Variants in TRAPPC9 observed in about 807,000 individuals in gnomAD.
TRAPPC9 encodes the protein IKK2 binding protein.
A neutral mutation model predicts 124.0 loss-of-function variants in TRAPPC9; 83 were observed. That is an observed-to-expected ratio of 0.67 (90% CI 0.56 to 0.80). TRAPPC9 has a LOEUF of 0.80. Ranked by LOEUF, TRAPPC9 falls within the 30% of genes least tolerant of loss-of-function variation. The probability of loss-of-function intolerance (pLI) is 0.00; values close to 1 mark genes in which losing one functional copy is unlikely to be tolerated. For synonymous variants in TRAPPC9, 638 were observed against 617.5 expected (o/e 1.03, Z -0.49); for missense variants, 1,302 against 1,508.3 (o/e 0.86, Z 2.27).
intron 19 of TRAPPC9, among the ~76,000 whole-genome samples, chr8:139,974,266 A>G (rs553802227): frequency 6.6e-5 from 10 of 152,198 alleles, no homozygotes; most frequent in Non-Finnish European, 1.3e-4. Context: ...TACAGACAAC[A>G]CAACAGAAAA....
intron 17 of TRAPPC9, among the ~76,000 whole-genome samples, chr8:140,072,729 A>T (rs1047289227): frequency 5.9e-5 from 9 of 152,168 alleles, no homozygotes; most frequent in African/African-American, 2.2e-4. Context: ...GTGTGTATAC[A>T]TAACATAGTG....
intron 9 of TRAPPC9, among the ~76,000 whole-genome samples, chr8:140,350,824 G>A (rs544142388): frequency 9.2e-5 from 14 of 152,262 alleles, no homozygotes; most frequent in East Asian, 1.9e-4. Flanking sequence ...GGGCAGGGCC[G>A]GGGGCAGAAC....
chr8:140,292,825 A>C lies in TRAPPC9; in HGVS notation c.1769-1747T>G, dbSNP rs2065698662. On this transcript the variant is annotated intron_variant, in intron 11 of 22. Coordinates refer to ENST00000438773, the MANE Select transcript of TRAPPC9 (RefSeq NM_001160372.4). Reference sequence around the variant, plus strand: ...CATGGGCAAGGACTTCATGTCTAAAACACCAAAAGCAATGGCAACAAAAGA... The same window carrying C: ...CATGGGCAAGGACTTCATGTCTAAACCACCAAAAGCAATGGCAACAAAAGA... Among the ~76,000 whole-genome samples, 6 of 147,744 alleles carry C rather than the reference A, an allele frequency of 4.1e-5. No individual in the cohort carries two copies. The South Asian group carries it at 1.4e-3, about 33-fold the overall frequency.
chr8:140,019,258 G>C (rs1473834127), intron 18 of TRAPPC9, among the ~76,000 whole-genome samples: 6 of 152,098 alleles, frequency 3.9e-5, no homozygotes, highest in African/African-American at 1.4e-4. Context: ...TTGGTCTACA[G>C]TTTTCTTTTC....
At chr8:139,748,115 T>C (rs1386972292) in intron 21 of TRAPPC9, among the ~76,000 whole-genome samples, 27 of 14,702 alleles carry the variant, frequency 1.8e-3, no homozygotes, top group African/African-American at 6.6e-3. Flanking sequence ...GCAGGGGGTA[T>C]ACACAGCAGG....
chr8:139,828,545 T>C (rs1337836591), intron 21 of TRAPPC9, among the ~76,000 whole-genome samples: 1 of 152,202 alleles, frequency 6.6e-6, no homozygotes, highest in African/African-American at 2.4e-5. Flanking sequence ...AATCGGGAAA[T>C]GCTCCTTTGA....
chr8:140,061,953 T>A (rs1264410579), intron 17 of TRAPPC9, among the ~76,000 whole-genome samples: 1 of 152,044 alleles, frequency 6.6e-6, no homozygotes, highest in African/African-American at 2.4e-5. Flanking sequence ...CTCCCACGCA[T>A]CTCCACATTT....
Position 140,367,061 on chromosome 8 carries a change from G to C in TRAPPC9, c.1351+3903C>G, listed in dbSNP as rs147244654. Among the ~76,000 whole-genome samples, 83 of 152,250 alleles carry C rather than the reference G, an allele frequency of 5.5e-4. No homozygotes were observed. In the East Asian group the frequency reaches 0.015, roughly 28 times the overall value. On this transcript the variant is annotated intron_variant, in intron 8 of 22. Transcript: ENST00000438773. The stretch of plus-strand genomic sequence containing the variant: ...CTATTAGAATGGCCAAAATCTAACA[G>C]TGACAACCCCAAATGCTGGCAAGGA...
intron 17 of TRAPPC9, among the ~76,000 whole-genome samples, chr8:140,166,776 T>TC (rs2061845599): frequency 6.6e-6 from 1 of 152,194 alleles, no homozygotes; most frequent in Non-Finnish European, 1.5e-5. Flanking sequence ...TGCCTATCCG[T>TC]CTTTTTCTTC....
intron 17 of TRAPPC9, among the ~76,000 whole-genome samples, chr8:140,187,824 A>G (rs2062386274): frequency 1.3e-5 from 2 of 151,966 alleles, no homozygotes; most frequent in South Asian, 4.1e-4. Flanking sequence ...ACAGGCACAC[A>G]CCATCATGTC....
At chr8:140,416,584 G>A (rs1431945569) in intron 5 of TRAPPC9, among the ~76,000 whole-genome samples, 2 of 152,120 alleles carry the variant, frequency 1.3e-5, no homozygotes, top group African/African-American at 2.4e-5. Context: ...CAAACAAATG[G>A]AAAAACATCC....
chr8:140,217,496 C>A (rs2063223528), intron 17 of TRAPPC9, among the ~76,000 whole-genome samples: 1 of 152,172 alleles, frequency 6.6e-6, no homozygotes, highest in African/African-American at 2.4e-5. Flanking sequence ...CAGAAGGGGA[C>A]ACTAGTCAGG....
chr8:140,169,751 C>G (rs1247340630), intron 17 of TRAPPC9, among the ~76,000 whole-genome samples: 1 of 152,112 alleles, frequency 6.6e-6, no homozygotes, highest in African/African-American at 2.4e-5. Flanking sequence ...GTTTTCAGAG[C>G]CGGGGTCGGG....
intron 19 of TRAPPC9, among the ~76,000 whole-genome samples, chr8:139,921,864 G>A (rs1433638487): frequency 1.5e-5 from 2 of 136,624 alleles, no homozygotes; most frequent in African/African-American, 5.6e-5. Context: ...CCTCCCCGCC[G>A]CGTCTGGGAG....
intron 17 of TRAPPC9, among the ~76,000 whole-genome samples, chr8:140,106,805 G>A (rs564585239): frequency 6.6e-6 from 1 of 152,286 alleles, no homozygotes; most frequent in Non-Finnish European, 1.5e-5. Context: ...GGCTTGAACA[G>A]TGCCAAGCTC....
chr8:140,215,652 A>T (rs1055755728), intron 17 of TRAPPC9, among the ~76,000 whole-genome samples: 1 of 151,416 alleles, frequency 6.6e-6, no homozygotes, highest in African/African-American at 2.4e-5. Flanking sequence ...TCTCCGAAAA[A>T]AAAAAAAAGG....
chr8:139,981,934 C>T (rs750550197), intron 19 of TRAPPC9, among the ~76,000 whole-genome samples: 11 of 152,322 alleles, frequency 7.2e-5, no homozygotes, highest in Middle Eastern at 3.4e-3. Flanking sequence ...GTGCCAGGTC[C>T]GCTGCACCCT....
At chr8:140,217,803 G>T (rs1301107317) in intron 17 of TRAPPC9, among the ~76,000 whole-genome samples, 11 of 152,132 alleles carry the variant, frequency 7.2e-5, no homozygotes, top group Admixed American at 7.2e-4. Context: ...GTCACTTGAG[G>T]TCGGAAGTTT....
intron 16 of TRAPPC9, among the ~76,000 whole-genome samples, chr8:140,238,922 CA>C (rs1298568806): frequency 2.6e-5 from 4 of 152,196 alleles, no homozygotes; most frequent in African/African-American, 9.6e-5. Context: ...GGCAAAGCAA[CA>C]AAAAGCTTCA....
Sources: gnomAD v4.1 joint callset for allele counts (sites outside exome capture counted in the v4.1 genomes callset) on GRCh38, gnomAD v4.1.1 for gene constraint, MANE v1.5 for transcripts, NCBI Gene and HGNC (gene_info 2026-07-23, HGNC 2026-07-21) for gene names.